BUB3: variants seen among roughly 807,000 people sequenced by gnomAD.
BUB3 encodes BUB3 mitotic checkpoint protein, also known as mitotic checkpoint protein BUB3.
Under a neutral mutation model 39.9 loss-of-function variants are expected in BUB3, and 22 were observed. The ratio of observed to expected loss-of-function variants is 0.55; its 90% CI spans 0.39 to 0.79. The LOEUF is 0.79. Ranked by LOEUF, BUB3 falls within the 30% of genes least tolerant of loss-of-function variation. The pLI is 0.00. For synonymous variants in BUB3, 168 were observed against 155.1 expected, an observed-to-expected ratio of 1.08 and a Z score of -0.62; for missense variants, 303 against 415.4, an observed-to-expected ratio of 0.73 and a Z score of 2.35.
At position 123,166,157 on chromosome 10, in the gene BUB3, T is replaced by C. The variant is rs1844490325; in HGVS notation, c.*2322T>C. 1 of 152,202 alleles carries C rather than the reference T, an allele frequency of 6.6e-6. No homozygotes were observed. Among genetic ancestry groups the C allele is most frequent in the Non-Finnish European group, 1.5e-5 (1 of 68,060 alleles). 9.4% of individuals were successfully genotyped at this position (152,202 alleles called of 1,614,324 possible). A position where few individuals can be genotyped will look rare whatever the true frequency, so the allele number is the denominator to read the frequency against. On this transcript the variant is annotated 3_prime_UTR_variant, in exon 8 of 8. Transcript: ENST00000368865. Reference sequence around the variant, plus strand: ...ACCTTTTCCCCAAGTTACCCAGGTGTAGTTACCTTGGCCTTCTCATTGGTT... The same window carrying C: ...ACCTTTTCCCCAAGTTACCCAGGTGCAGTTACCTTGGCCTTCTCATTGGTT...
Position 123,162,422 on chromosome 10 carries a change from T to C in BUB3, c.754+9T>C. ...CAATACATTTGCCACAGGTAAAGTA[T>C]GGCATGCTGACCTATATTTAATTAT... On this transcript the variant is annotated intron_variant, in intron 6 of 7. Transcript: ENST00000368865. The C allele has an allele frequency of 6.2e-7, 1 of 1,612,206 alleles. No individual in the cohort carries two copies.
In BUB3 at chr10:123,166,317, T is replaced by C. The variant is rs1314917572; in HGVS notation, c.*2482T>C. 1 of 152,222 alleles carries C rather than the reference T, an allele frequency of 6.6e-6. No individual in the cohort carries two copies. The highest frequency in any genetic ancestry group is 1.9e-4 in the East Asian group (1 of 5,196). 9.4% of individuals were successfully genotyped at this position (152,222 alleles called of 1,614,324 possible). Reference sequence around the variant, plus strand: ...CCTCCATCTAATAGAGTAGTGACTTTTGAACCTTGTAGTTGTGACCCAAGT... The same window carrying C: ...CCTCCATCTAATAGAGTAGTGACTTCTGAACCTTGTAGTTGTGACCCAAGT... On this transcript the variant is annotated 3_prime_UTR_variant, in exon 8 of 8. Transcript: ENST00000368865.
chr10:123,162,401 A>G lies in BUB3; in HGVS notation c.742A>G (p.Thr248Ala), dbSNP rs780085244. 9 of 1,613,550 alleles carry G rather than the reference A, an allele frequency of 5.6e-6. No homozygotes were observed. The highest frequency in any genetic ancestry group is 7.6e-6 in the Non-Finnish European group (9 of 1,179,816). Reference sequence around the variant, plus strand: ...CATTTCTTTTCACAATATCCACAATACATTTGCCACAGGTAAAGTATGGCA... The same window carrying G: ...CATTTCTTTTCACAATATCCACAATGCATTTGCCACAGGTAAAGTATGGCA... ...NAISFHNIHN[T>A]FATGGSDGFV... The change falls in exon 6 of 8, where the codon ACA (threonine) becomes GCA (alanine). Residue 248 changes from threonine (T) to alanine (A), a missense_variant. Thr to Ala is a moderately conservative substitution (Grantham distance 58, BLOSUM62 0). Transcript: ENST00000368865.
chr10:123,155,444 CG>C (rs1328199220), intron 2 of BUB3, among the ~76,000 whole-genome samples: 1 of 152,174 alleles, frequency 6.6e-6, no homozygotes, highest in Admixed American at 6.5e-5. Flanking sequence ...CCTCAGCTAG[CG>C]TGTTGGCTAG....
In BUB3 at chr10:123,167,959, GCTT is replaced by G. The variant is rs973022700; in HGVS notation, c.*4125_*4127del. 6.6e-6 allele frequency: 1 copy of G among 150,926 alleles called. No homozygotes were observed. Among genetic ancestry groups the G allele is most frequent in the African/African-American group, 2.4e-5 (1 of 41,002 alleles). The allele number at this position is 150,926 out of a possible 1,614,324, so 9.3% of individuals were successfully genotyped here. A position where few individuals can be genotyped will look rare whatever the true frequency, so the allele number is the denominator to read the frequency against. On this transcript the variant is annotated 3_prime_UTR_variant, in exon 8 of 8. Coordinates refer to ENST00000368865, the MANE Select transcript of BUB3 (RefSeq NM_004725.4). ...TTTACAAATTTATGTAATTTTTTAC[GCTT>G]TTTTTTTTTCTCCTTTTTCTGGAGA...
intron 6 of BUB3, 44 bp downstream of exon 6, chr10:123,162,457 T>G: frequency 6.3e-7 from 1 of 1,592,058 alleles, no homozygotes; most frequent in South Asian, 1.1e-5. Context: ...TTATACTATT[T>G]GGTGCTTGCT....
chr10:123,160,583 CTCT>C lies in BUB3; in HGVS notation c.576+23_576+25del. The C allele has an allele frequency of 6.6e-7, 1 of 1,520,060 alleles. No homozygotes were observed. Among genetic ancestry groups the C allele is most frequent in the Non-Finnish European group, 8.8e-7 (1 of 1,134,620 alleles). 94.2% of individuals were successfully genotyped at this position (1,520,060 alleles called of 1,614,324 possible). A position where few individuals can be genotyped will look rare whatever the true frequency, so the allele number is the denominator to read the frequency against. On this transcript the variant is annotated intron_variant, in intron 5 of 7. Coordinates refer to ENST00000368865, the MANE Select transcript of BUB3 (RefSeq NM_004725.4). ...ACAAGCAGGTATTGAACTATACCTC[CTCT>C]TCTTTCTGGAATTTGAAAATAATAT...
At chr10:123,161,539 TA>T (rs1343929652) in intron 5 of BUB3, among the ~76,000 whole-genome samples, 2 of 152,214 alleles carry the variant, frequency 1.3e-5, no homozygotes, top group Non-Finnish European at 2.9e-5. Context: ...TAATGGAAGT[TA>T]AAAAGTAGGA....
At chr10:123,156,934 G>A (rs1288779827) in intron 3 of BUB3, among the ~76,000 whole-genome samples, 5 of 151,914 alleles carry the variant, frequency 3.3e-5, no homozygotes, top group African/African-American at 4.8e-5. Context: ...TAGTAGAGGC[G>A]GGGTTTCACT....
Position 123,164,790 on chromosome 10 carries a change from A to T in BUB3, c.*955A>T, listed in dbSNP as rs182777521. 113 of 1,245,704 alleles carry T rather than the reference A, an allele frequency of 9.1e-5. No individual in the cohort carries two copies. In the East Asian group the frequency reaches 2.5e-3, roughly 28 times the overall value. The allele number at this position is 1,245,704 out of a possible 1,614,324, so 77.2% of individuals were successfully genotyped here. On this transcript the variant is annotated 3_prime_UTR_variant, in exon 8 of 8. Coordinates refer to ENST00000368865, the MANE Select transcript of BUB3 (RefSeq NM_004725.4). ...GATTCATTTCAATGTAATGCACTAA[A>T]GCAGAACACGAACTTAGCTTGGCCT...
Position 123,169,555 on chromosome 10 carries a change from A to G in BUB3, c.*5720A>G, listed in dbSNP as rs1183926042. The G allele has an allele frequency of 2.0e-5, 3 of 152,228 alleles. No homozygotes were observed. Among genetic ancestry groups the G allele is most frequent in the Admixed American group, 1.3e-4 (2 of 15,288 alleles). 9.4% of individuals were successfully genotyped at this position (152,228 alleles called of 1,614,324 possible). A position where few individuals can be genotyped will look rare whatever the true frequency, so the allele number is the denominator to read the frequency against. ...TAAGTTTGGTGACTGCTTGAAGTCT[A>G]AGATCACCAAAGTGGCTAATGCAGG... On this transcript the variant is annotated 3_prime_UTR_variant, in exon 8 of 8. Transcript: ENST00000368865.
rs1182920331 is a variant in BUB3, at chr10:123,168,134, A to G, written c.*4299A>G. ...TTTTTTTATGTGGTGAGAATAAATAATCTCAGCAAATTTCAAGTATACAAT... is the reference window on the plus strand; with the variant it reads ...TTTTTTTATGTGGTGAGAATAAATAGTCTCAGCAAATTTCAAGTATACAAT... On this transcript the variant is annotated 3_prime_UTR_variant, in exon 8 of 8. Transcript: ENST00000368865. 1 of 152,110 alleles carries G rather than the reference A, an allele frequency of 6.6e-6. No individual in the cohort carries two copies. Among genetic ancestry groups the G allele is most frequent in the Admixed American group, 6.5e-5 (1 of 15,278 alleles). The allele number at this position is 152,110 out of a possible 1,614,324, so 9.4% of individuals were successfully genotyped here.
chr10:123,155,693 T>C lies in BUB3; in HGVS notation c.231T>C (p.His77=). ...PTHAWSGGLD[H]QLKMHDLNTD... is the part of the protein sequence containing the mutation. ...ATGCCTGGAGTGGAGGACTAGATCA[T>C]CAATTGAAAATGCATGATTTGAACA... Residue 77 remains histidine, a synonymous_variant, in exon 3 of 8, where the codon CAT becomes CAC. Coordinates refer to ENST00000368865, the MANE Select transcript of BUB3 (RefSeq NM_004725.4). 1 of 1,614,140 alleles carries C rather than the reference T, an allele frequency of 6.2e-7. No homozygotes were observed.
intron 1 of BUB3, chr10:123,154,709 G>A: frequency 1.1e-5 from 6 of 549,114 alleles, no homozygotes; most frequent in Non-Finnish European, 1.9e-5. Context: ...GGACGGCGGT[G>A]CGGGCTGGGC....
Position 123,155,528 on chromosome 10 carries a change from G to T in BUB3, c.196-130G>T. ...ACTTGCTTTTTTATGCTGTTTTTTGGTTTGTTTACCATGAATAGTTGAGCC... is the reference window on the plus strand; with the variant it reads ...ACTTGCTTTTTTATGCTGTTTTTTGTTTTGTTTACCATGAATAGTTGAGCC... On this transcript the variant is annotated intron_variant, in intron 2 of 7. Transcript: ENST00000368865. 7.3e-6 allele frequency: 6 copies of T among 821,578 alleles called. No homozygotes were observed. In the Admixed American group the frequency reaches 7.6e-5, roughly 10 times the overall value. 50.9% of individuals were successfully genotyped at this position (821,578 alleles called of 1,614,324 possible). A position where few individuals can be genotyped will look rare whatever the true frequency, so the allele number is the denominator to read the frequency against.
chr10:123,162,059 A>G (rs1844431118), intron 5 of BUB3, among the ~76,000 whole-genome samples, 177 bp from the exon 6 acceptor site: 1 of 152,160 alleles, frequency 6.6e-6, no homozygotes, highest in African/African-American at 2.4e-5. Flanking sequence ...GATGAGTCTT[A>G]TTTTCTTTTT....
In BUB3 at chr10:123,164,946, T is replaced by A; in HGVS notation, c.*1111T>A. 6.7e-7 allele frequency: 1 copy of A among 1,503,728 alleles called. No homozygotes were observed. The highest frequency in any genetic ancestry group is 1.5e-5 in the African/African-American group (1 of 67,374). The allele number at this position is 1,503,728 out of a possible 1,614,324, so 93.1% of individuals were successfully genotyped here. On this transcript the variant is annotated 3_prime_UTR_variant, in exon 8 of 8. Coordinates refer to ENST00000368865, the MANE Select transcript of BUB3 (RefSeq NM_004725.4). ...TTTATCCGTGATGTATTTTTTTTAA[T>A]TCTTTTGATACAGAGAAGGGTCTTT...
In BUB3 at chr10:123,164,699, T is replaced by G; in HGVS notation, c.*864T>G. 9.6e-7 allele frequency: 1 copy of G among 1,042,502 alleles called. No homozygotes were observed. The highest frequency in any genetic ancestry group is 1.2e-6 in the Non-Finnish European group (1 of 866,430). 64.6% of individuals were successfully genotyped at this position (1,042,502 alleles called of 1,614,324 possible). ...TTCTCTGACATTTATATAGTTCTTATGTCCATTTCAGTTGACCAGCCGCTG... is the reference window on the plus strand; with the variant it reads ...TTCTCTGACATTTATATAGTTCTTAGGTCCATTTCAGTTGACCAGCCGCTG... On this transcript the variant is annotated 3_prime_UTR_variant, in exon 8 of 8. Coordinates refer to ENST00000368865, the MANE Select transcript of BUB3 (RefSeq NM_004725.4).
Position 123,162,386 on chromosome 10 carries a change from C to G in BUB3, c.727C>G (p.His243Asp). 6.2e-7 allele frequency: 1 copy of G among 1,613,912 alleles called. No individual in the cohort carries two copies. Residue 243 changes from histidine to aspartate, a missense_variant, in exon 6 of 8, where the codon CAC becomes GAC. His to Asp is a moderately conservative substitution (Grantham distance 81). This residue lies in a region of BUB3 where 182 missense variants were observed against 293.1 expected (regional missense o/e 0.62). Transcript: ENST00000368865. ...TTACCCAGTCAATGCCATTTCTTTT[C>G]ACAATATCCACAATACATTTGCCAC... ...QIYPVNAISF[H>D]NIHNTFATGG...
Sources: allele counts gnomAD v4.1 joint callset (sites outside exome capture counted in the v4.1 genomes callset), GRCh38; gene constraint gnomAD v4.1.1; regional missense constraint gnomAD v4.1.1; transcripts MANE v1.5; gene names NCBI Gene and HGNC (gene_info 2026-07-23, HGNC 2026-07-21).